Variants in CREBBP observed in about 807,000 individuals in gnomAD.
CREBBP encodes the protein CREB binding lysine acetyltransferase.
In CREBBP, 19 loss-of-function variants were observed where a neutral mutation model predicts 265.0. The ratio of observed to expected loss-of-function variants is 0.07; its 90% CI spans 0.05 to 0.11. CREBBP has a LOEUF of 0.11. Ranked by LOEUF, CREBBP falls within the 10% of genes least tolerant of loss-of-function variation. The pLI, the probability that CREBBP is intolerant of heterozygous loss-of-function variation, is 1.00. For missense variants in CREBBP, 2,525 were observed against 3,219.0 expected (o/e 0.78, Z 5.22); for synonymous variants, 1,457 against 1,223.7 (o/e 1.19, Z -3.98).
intron 3 of CREBBP, among the ~76,000 whole-genome samples, chr16:3,794,805 G>C (rs1190007738): frequency 6.6e-6 from 1 of 152,218 alleles, no homozygotes; most frequent in Admixed American, 6.5e-5. Context: ...TAGGCAGTAA[G>C]AGAAGTGTTC....
intron 3 of CREBBP, among the ~76,000 whole-genome samples, chr16:3,798,868 C>A (rs777428371): frequency 6.6e-6 from 1 of 152,074 alleles, no homozygotes; most frequent in Non-Finnish European, 1.5e-5. Context: ...CACGTTCACA[C>A]GAAAACTGTA....
intron 23 of CREBBP, 139 bp from the exon 24 acceptor site, chr16:3,740,688 T>A: frequency 9.9e-7 from 1 of 1,008,642 alleles, no homozygotes. Flanking sequence ...GGAAGAAATC[T>A]AATCTGTCCT....
At position 3,768,801 on chromosome 16, in the gene CREBBP, C is replaced by T. The variant is rs533681876; in HGVS notation, c.3060+373G>A. Reference sequence around the variant, plus strand: ...AACACATTTAGAGGCTGGATCCAGCCCACGGTCTGCCAGCTTTCAGCTTCT... The same window carrying T: ...AACACATTTAGAGGCTGGATCCAGCTCACGGTCTGCCAGCTTTCAGCTTCT... On this transcript the variant is annotated intron_variant, in intron 15 of 30. Transcript: ENST00000262367. Among the ~76,000 whole-genome samples, 130 of 152,248 alleles carry T rather than the reference C, an allele frequency of 8.5e-4. 2 individuals carry two copies. The highest frequency in any genetic ancestry group is 3.0e-3 in the African/African-American group (123 of 41,524).
At position 3,793,446 on chromosome 16, in the gene CREBBP, G is replaced by C; in HGVS notation, c.1156C>G (p.Arg386Gly). ...EVRACSLPHCRTMKNVLNHMT... is the reference protein window; with the variant it reads ...EVRACSLPHCGTMKNVLNHMT... ...TGATTCAAAACGTTTTTCATGGTTC[G>C]ACAATGCGGGAGCGAGCAGGCCCGA... The change falls in exon 4 of 31, where the codon CGA becomes GGA. Residue 386 changes from arginine (R) to glycine (G), a missense_variant. Physicochemically the swap from Arg to Gly is moderately radical, Grantham distance 125. Around this residue, in one of 19 missense-constraint regions of CREBBP, gnomAD observed 126 missense variants for 171.9 expected, o/e 0.73. Coordinates refer to ENST00000262367, the MANE Select transcript of CREBBP (RefSeq NM_004380.3). 2 of 1,614,026 alleles carry C rather than the reference G, an allele frequency of 1.2e-6. No individual in the cohort carries two copies. The highest frequency in any genetic ancestry group is 1.7e-6 in the Non-Finnish European group (2 of 1,180,020).
In CREBBP at chr16:3,731,728, C is replaced by T. The variant is rs2151318485; in HGVS notation, c.4890+48G>A. The T allele has an allele frequency of 6.2e-7, 1 of 1,612,874 alleles. No homozygotes were observed. The highest frequency in any genetic ancestry group is 8.5e-7 in the Non-Finnish European group (1 of 1,179,174). Reference sequence around the variant, plus strand: ...CACGCCCGCCAGCTGCGAGTCTTTCCCTCCTCCCGGCCAGAGGCACGGCTG... The same window carrying T: ...CACGCCCGCCAGCTGCGAGTCTTTCTCTCCTCCCGGCCAGAGGCACGGCTG... On this transcript the variant is annotated intron_variant, in intron 29 of 30. Transcript: ENST00000262367. This position sits in a 1 kb window ranked among gnomAD's most constrained non-coding sequence, Gnocchi z 7.7.
intron 1 of CREBBP, among the ~76,000 whole-genome samples, chr16:3,861,652 C>CAAAAAAAA (rs368654449): frequency 1.7e-5 from 2 of 121,084 alleles, no homozygotes; most frequent in Non-Finnish European, 1.8e-5. Flanking sequence ...CTCTCTATAC[C>CAAAAAAAA]AAAAAAAAAA....
In CREBBP at chr16:3,770,629, T is replaced by C. The variant is rs372981734; in HGVS notation, c.2821A>G (p.Thr941Ala). 5 of 1,613,726 alleles carry C rather than the reference T, an allele frequency of 3.1e-6. No homozygotes were observed. Among genetic ancestry groups the C allele is most frequent in the Admixed American group, 1.7e-5 (1 of 59,980 alleles). ...QTPVQPPSVA[T>A]PQSSQQQPTP... ...GGCTGTTGCTGCGATGACTGAGGGG[T>C]AGCCACAGACGGGGGCTGAACTGGG... The change falls in exon 14 of 31, where the codon ACC becomes GCC. Residue 941 changes from threonine (T) to alanine (A), a missense_variant. Around this residue, in one of 19 missense-constraint regions of CREBBP, gnomAD observed 548 missense variants for 533.0 expected, o/e 1.03. Coordinates refer to ENST00000262367, the MANE Select transcript of CREBBP (RefSeq NM_004380.3).
chr16:3,866,367 T>C (rs1402675512), intron 1 of CREBBP, among the ~76,000 whole-genome samples: 1 of 152,084 alleles, frequency 6.6e-6, no homozygotes, highest in African/African-American at 2.4e-5. Context: ...ACAAAGCAAG[T>C]GATGATCAGA....
intron 6 of CREBBP, 124 bp from the exon 7 acceptor site, chr16:3,781,430 G>A: frequency 1.3e-6 from 1 of 773,590 alleles, no homozygotes; most frequent in Non-Finnish European, 2.2e-6. Flanking sequence ...AGTGATTCTG[G>A]CCAGTTATAG....
chr16:3,748,959 AAC>A (rs2052412043), intron 21 of CREBBP, among the ~76,000 whole-genome samples: 1 of 152,174 alleles, frequency 6.6e-6, no homozygotes, highest in African/African-American at 2.4e-5. Context: ...CATCCTGGCT[AAC>A]ACAGTGAAAC....
At chr16:3,806,340 A>C (rs1394420567) in intron 3 of CREBBP, among the ~76,000 whole-genome samples, 1 of 152,064 alleles carries the variant, frequency 6.6e-6, no homozygotes, top group Non-Finnish European at 1.5e-5. Context: ...AAAATTCTGA[A>C]ACTCAGTCAC....
At chr16:3,748,920 C>A (rs1567280501) in intron 21 of CREBBP, among the ~76,000 whole-genome samples, 1 of 152,160 alleles carries the variant, frequency 6.6e-6, no homozygotes, top group Non-Finnish European at 1.5e-5. Flanking sequence ...CCGAGACAGG[C>A]ACATCACCTG....
intron 14 of CREBBP, among the ~76,000 whole-genome samples, chr16:3,769,587 G>A (rs2052948865): frequency 6.6e-6 from 1 of 152,166 alleles, no homozygotes; most frequent in South Asian, 2.1e-4. Flanking sequence ...AAACAGCAGA[G>A]CTTTTCAAAC....
chr16:3,792,487 A>C (rs866416164), intron 4 of CREBBP, among the ~76,000 whole-genome samples: 1 of 152,254 alleles, frequency 6.6e-6, no homozygotes, highest in Admixed American at 6.5e-5. Context: ...ACAGTGAAGA[A>C]ATACAGATAG....
rs898347772 is a variant in CREBBP at position 3,793,432 on chromosome 16, G to A, written c.1170C>T (p.Asn390=). The part of the protein sequence containing the change: ...CSLPHCRTMK[N]VLNHMTHCQA... ...GACAATGCGTCATGTGATTCAAAACGTTTTTCATGGTTCGACAATGCGGGA... is the reference window on the plus strand; with the variant it reads ...GACAATGCGTCATGTGATTCAAAACATTTTTCATGGTTCGACAATGCGGGA... Residue 390 remains asparagine, a synonymous_variant, in exon 4 of 31, where the codon AAC becomes AAT. Transcript: ENST00000262367. 2.5e-6 allele frequency: 4 copies of A among 1,614,012 alleles called. No individual in the cohort carries two copies. Among genetic ancestry groups the A allele is most frequent in the Non-Finnish European group, 3.4e-6 (4 of 1,180,014 alleles).
At chr16:3,754,393 A>C (rs1227207396) in intron 19 of CREBBP, among the ~76,000 whole-genome samples, 1 of 152,200 alleles carries the variant, frequency 6.6e-6, no homozygotes, top group African/African-American at 2.4e-5. Context: ...TCTCCCTGGA[A>C]ACACATAAAG....
At chr16:3,749,194 G>C (rs530399775) in intron 21 of CREBBP, among the ~76,000 whole-genome samples, 13 of 152,264 alleles carry the variant, frequency 8.5e-5, no homozygotes, top group African/African-American at 3.1e-4. Context: ...CTTAACAATG[G>C]CAAGAAAATG....
chr16:3,806,470 C>T (rs1231707972), intron 3 of CREBBP, among the ~76,000 whole-genome samples: 1 of 150,214 alleles, frequency 6.7e-6, no homozygotes, highest in African/African-American at 2.5e-5. Context: ...AAAAAAAAAT[C>T]ACACCTACGA....
Position 3,777,704 on chromosome 16 carries a change from A to G in CREBBP, c.2114-47T>C, listed in dbSNP as rs113244180. The G allele has an allele frequency of 2.4e-5, 38 of 1,602,926 alleles. 2 individuals are homozygous for G. Among genetic ancestry groups the G allele is most frequent in the African/African-American group, 1.9e-4 (14 of 74,808 alleles). The stretch of plus-strand genomic sequence containing the variant: ...AAAAACAAAACCACCCTAGTTATTT[A>G]ATATAATCCTTGATTCAGGAATAGG... On this transcript the variant is annotated intron_variant, in intron 10 of 30. Coordinates refer to ENST00000262367, the MANE Select transcript of CREBBP (RefSeq NM_004380.3).
Sources: allele counts gnomAD v4.1 joint callset (sites outside exome capture counted in the v4.1 genomes callset), GRCh38; gene constraint gnomAD v4.1.1; regional missense constraint gnomAD v4.1.1; non-coding constraint Gnocchi (gnomAD v3.1); transcripts MANE v1.5; gene names NCBI Gene and HGNC (gene_info 2026-07-23, HGNC 2026-07-21).